Variants in ATP13A5 observed in about 807,000 individuals in gnomAD.
The protein encoded by ATP13A5 is probable cation-transporting ATPase 13A5.
In ATP13A5, 149 loss-of-function variants were observed where a neutral mutation model predicts 150.2. That is an observed-to-expected ratio of 0.99 (90% CI 0.87 to 1.14). The LOEUF is 1.14. Ranked by LOEUF, ATP13A5 falls within the 50% of genes most tolerant of loss-of-function variation. The pLI is 0.00. For synonymous variants in ATP13A5, 497 were observed against 522.2 expected (o/e 0.95, Z 0.66); for missense variants, 1,383 against 1,449.3 (o/e 0.95, Z 0.74).
intron 25 of ATP13A5, among the ~76,000 whole-genome samples, chr3:193,290,709 T>C (rs955873673): frequency 2.0e-5 from 3 of 152,128 alleles, no homozygotes; most frequent in Non-Finnish European, 1.5e-5. Context: ...TATTGTATTT[T>C]TGATTTCAGG....
chr3:193,306,297 T>G (rs1283704264), intron 22 of ATP13A5, among the ~76,000 whole-genome samples: 3 of 151,994 alleles, frequency 2.0e-5, no homozygotes, highest in Non-Finnish European at 4.4e-5. Flanking sequence ...AGGGTTAGTT[T>G]TATTCATGAT....
At chr3:193,325,801 C>T (rs1405935891) in intron 13 of ATP13A5, among the ~76,000 whole-genome samples, 1 of 152,174 alleles carries the variant, frequency 6.6e-6, no homozygotes, top group Non-Finnish European at 1.5e-5. Flanking sequence ...TCCTCTCTTC[C>T]CACCTTACAG....
intron 9 of ATP13A5, among the ~76,000 whole-genome samples, chr3:193,338,401 C>T (rs1418311700): frequency 1.3e-4 from 20 of 151,982 alleles, no homozygotes; most frequent in African/African-American, 4.6e-4. Flanking sequence ...TTTTGAGGTA[C>T]GTCCCATCAA....
rs7428010 is a variant in ATP13A5 at position 193,275,089 on chromosome 3, T to G, written c.3610A>C (p.Lys1204Gln). The G allele has an allele frequency of 6.2e-7, 1 of 1,614,218 alleles. No homozygotes were observed. Among genetic ancestry groups the G allele is most frequent in the Non-Finnish European group, 8.5e-7 (1 of 1,180,038 alleles). The change falls in exon 30 of 30, where the codon AAA becomes CAA. Residue 1204 changes from lysine to glutamine, a missense_variant. Coordinates refer to ENST00000342358, the MANE Select transcript of ATP13A5 (RefSeq NM_198505.4). ...TGTTCTGTGGGTTGGCCTCCCAATTTGAGTTTTCTTTTTGGAATCTGTTCA... is the reference window on the plus strand; with the variant it reads ...TGTTCTGTGGGTTGGCCTCCCAATTGGAGTTTTCTTTTTGGAATCTGTTCA... The part of the protein sequence containing the change: ...SHEQIPKRKL[K>Q]LGGQPTEQHF...
intron 1 of ATP13A5, among the ~76,000 whole-genome samples, chr3:193,368,039 C>T (rs1475003174): frequency 6.6e-6 from 1 of 151,646 alleles, no homozygotes; most frequent in Non-Finnish European, 1.5e-5. Flanking sequence ...CAATTGAAAA[C>T]AAGAACTAAA....
intron 1 of ATP13A5, among the ~76,000 whole-genome samples, chr3:193,378,369 C>G (rs58905633): frequency 0.019 from 2,828 of 152,296 alleles, 76 homozygotes; most frequent in African/African-American, 0.058. Context: ...AGACACCCCA[C>G]TGAGCACCAT....
At chr3:193,337,763 G>A (rs996800122) in intron 9 of ATP13A5, among the ~76,000 whole-genome samples, 7 of 152,150 alleles carry the variant, frequency 4.6e-5, no homozygotes, top group Non-Finnish European at 1.0e-4. Context: ...TTCCAATTCT[G>A]TGTAGAAAGT....
intron 3 of ATP13A5, 66 bp from the exon 4 acceptor site, chr3:193,362,703 G>C: frequency 2.1e-6 from 3 of 1,431,198 alleles, no homozygotes; most frequent in African/African-American, 1.4e-5. Context: ...AGAGGGAGTG[G>C]TGTCCAATGC....
chr3:193,344,609 A>T (rs1331155633), intron 8 of ATP13A5, among the ~76,000 whole-genome samples: 1 of 152,158 alleles, frequency 6.6e-6, no homozygotes, highest in African/African-American at 2.4e-5. Context: ...TCTGTTTGGG[A>T]TAGTTAGACT....
chr3:193,317,885 C>T (rs1719112060), intron 17 of ATP13A5, among the ~76,000 whole-genome samples: 1 of 152,178 alleles, frequency 6.6e-6, no homozygotes, highest in Non-Finnish European at 1.5e-5. Context: ...GGCTACACTC[C>T]ATCACTAGCT....
At chr3:193,318,463 G>A (rs1719134481) in intron 17 of ATP13A5, among the ~76,000 whole-genome samples, 1 of 152,110 alleles carries the variant, frequency 6.6e-6, no homozygotes, top group South Asian at 2.1e-4. Flanking sequence ...ATGTAATTAA[G>A]AATACTGAAT....
At chr3:193,312,320 C>T (rs958099830) in intron 19 of ATP13A5, among the ~76,000 whole-genome samples, 1 of 152,162 alleles carries the variant, frequency 6.6e-6, no homozygotes, top group African/African-American at 2.4e-5. Flanking sequence ...CTCTACCATT[C>T]ACTTATTCCA....
At chr3:193,338,972 T>C (rs1712006857) in intron 9 of ATP13A5, among the ~76,000 whole-genome samples, 1 of 152,150 alleles carries the variant, frequency 6.6e-6, no homozygotes, top group South Asian at 2.1e-4. Flanking sequence ...GGAGGGTGTA[T>C]ATGTCGAGGA....
In ATP13A5 at chr3:193,331,214, G is replaced by A. The variant is rs1711615784; in HGVS notation, c.1370C>T (p.Ala457Val). ...PAALTIGNVY[A>V]QKRLKKKKIF... ...TTTCTTTTTCTTCAGTCTCTTCTGA[G>A]CATACACGTTGCCTATGGTCAGGGC... The change falls in exon 12 of 30, where the codon GCT (alanine) becomes GTT (valine). Residue 457 changes from alanine to valine, a missense_variant. Ala to Val is a moderately conservative substitution (Grantham distance 64). This residue lies in a region of ATP13A5 where 787 missense variants were observed against 771.9 expected (regional missense o/e 1.02). Coordinates refer to ENST00000342358, the MANE Select transcript of ATP13A5 (RefSeq NM_198505.4). The A allele has an allele frequency of 1.9e-6, 3 of 1,613,892 alleles. No homozygotes were observed. Among genetic ancestry groups the A allele is most frequent in the African/African-American group, 2.7e-5 (2 of 74,928 alleles).
At chr3:193,333,975 T>TA in intron 10 of ATP13A5, 68 bp from the exon 11 acceptor site, 1 of 1,486,560 alleles carries the variant, frequency 6.7e-7, no homozygotes, top group East Asian at 2.3e-5. Context: ...AAAATGGCTT[T>TA]ACTGTCTTTG....
At chr3:193,373,192 G>T (rs1713513549) in intron 1 of ATP13A5, among the ~76,000 whole-genome samples, 1 of 152,084 alleles carries the variant, frequency 6.6e-6, no homozygotes, top group African/African-American at 2.4e-5. Flanking sequence ...AGGCTGGACT[G>T]CAATGGCGTG....
intron 21 of ATP13A5, among the ~76,000 whole-genome samples, chr3:193,308,016 T>C (rs775486041): frequency 5.3e-5 from 8 of 152,226 alleles, no homozygotes; most frequent in Non-Finnish European, 8.8e-5. Context: ...ATTATAAGTA[T>C]TGATAAATGA....
At chr3:193,279,726 C>T (rs1717394990) in intron 27 of ATP13A5, among the ~76,000 whole-genome samples, 1 of 152,050 alleles carries the variant, frequency 6.6e-6, no homozygotes, top group Non-Finnish European at 1.5e-5. Flanking sequence ...ACTATCACTG[C>T]GTGTCCAGTG....
chr3:193,326,971 T>C, intron 13 of ATP13A5, 25 bp downstream of exon 13: 1 of 1,609,382 alleles, frequency 6.2e-7, no homozygotes, highest in Non-Finnish European at 8.5e-7. Context: ...CAAACACACC[T>C]TCCATTTTCA....
Sources: gnomAD v4.1 joint callset for allele counts (sites outside exome capture counted in the v4.1 genomes callset) on GRCh38, gnomAD v4.1.1 for gene constraint, gnomAD v4.1.1 regional missense constraint, MANE v1.5 for transcripts, NCBI Gene and HGNC (gene_info 2026-07-23, HGNC 2026-07-21) for gene names.